The following TMC1 variants were observed in gnomAD, a reference collection of about 807,000 sequenced individuals.
TMC1 encodes the protein transmembrane channel like 1.
A neutral mutation model predicts 105.8 loss-of-function variants in TMC1; 84 were observed. That is an observed-to-expected ratio of 0.79 (90% CI 0.67 to 0.95). The LOEUF is 0.95. Among genes scored for constraint, TMC1 ranks in the 40% least tolerant of loss-of-function variants. The pLI, the probability that TMC1 is intolerant of heterozygous loss-of-function variation, is 0.00. For missense variants in TMC1, 817 were observed against 914.1 expected (o/e 0.89, Z 1.37); for synonymous variants, 315 against 311.5 (o/e 1.01, Z -0.12).
At chr9:72,586,008 A>G (rs779214879) in intron 2 of TMC1, among the ~76,000 whole-genome samples, 28 of 152,196 alleles carry the variant, frequency 1.8e-4, no homozygotes, top group Non-Finnish European at 3.8e-4. Context: ...GAGATTTCAC[A>G]ACCAGCAGCT....
chr9:72,727,528 A>G (rs1412971632), intron 8 of TMC1, among the ~76,000 whole-genome samples: 1 of 152,184 alleles, frequency 6.6e-6, no homozygotes, highest in Non-Finnish European at 1.5e-5. Flanking sequence ...ATAGCAATCT[A>G]TAATTTCAGT....
intron 2 of TMC1, among the ~76,000 whole-genome samples, chr9:72,584,784 CTTTTTT>C (rs71357591): frequency 8.8e-6 from 1 of 113,008 alleles, no homozygotes. Context: ...CTTTTCTTTT[CTTTTTT>C]TTTTTTTTTT....
At chr9:72,742,690 C>T (rs1002241504) in intron 10 of TMC1, among the ~76,000 whole-genome samples, 165 bp downstream of exon 10, 8 of 152,172 alleles carry the variant, frequency 5.3e-5, no homozygotes, top group African/African-American at 1.9e-4. Flanking sequence ...CTGCTTTCGT[C>T]ACTGTGAAGA....
chr9:72,801,064 T>C (rs1828462390), intron 17 of TMC1, among the ~76,000 whole-genome samples: 1 of 152,236 alleles, frequency 6.6e-6, no homozygotes. Flanking sequence ...ATGTTTCCTC[T>C]TCTCCTCCAT....
intron 8 of TMC1, among the ~76,000 whole-genome samples, chr9:72,707,617 T>G (rs1261327958): frequency 1.3e-5 from 2 of 152,196 alleles, no homozygotes; most frequent in Non-Finnish European, 2.9e-5. Flanking sequence ...GTTTGTATTT[T>G]TCTTGCTAAT....
At chr9:72,537,239 G>A (rs566947221) in intron 1 of TMC1, among the ~76,000 whole-genome samples, 55 of 152,322 alleles carry the variant, frequency 3.6e-4, no homozygotes, top group Non-Finnish European at 6.0e-4. Context: ...TGTGATGGGA[G>A]GAGCAGCCTC....
chr9:72,530,635 C>G (rs1362580992), intron 1 of TMC1, among the ~76,000 whole-genome samples: 1 of 149,522 alleles, frequency 6.7e-6, no homozygotes, highest in African/African-American at 2.4e-5. Flanking sequence ...TTCTTGTTTT[C>G]TCTTTTGTAT....
chr9:72,530,010 A>C (rs1465793043), intron 1 of TMC1, among the ~76,000 whole-genome samples: 2 of 152,140 alleles, frequency 1.3e-5, no homozygotes, highest in African/African-American at 4.8e-5. Flanking sequence ...TCTGGGGAGC[A>C]AGGTAAAACC....
intron 1 of TMC1, among the ~76,000 whole-genome samples, chr9:72,522,569 A>G (rs1478556504): frequency 1.3e-5 from 2 of 152,206 alleles, no homozygotes; most frequent in Admixed American, 1.3e-4. Flanking sequence ...GGAGAAAGGG[A>G]AGAAATACAG....
At chr9:72,522,308 A>T (rs1564387570) in intron 1 of TMC1, among the ~76,000 whole-genome samples, 1 of 152,050 alleles carries the variant, frequency 6.6e-6, no homozygotes, top group Non-Finnish European at 1.5e-5. Flanking sequence ...TCGCCGTGTT[A>T]GCCAGGATGG....
chr9:72,716,305 T>C (rs2793162), intron 8 of TMC1, among the ~76,000 whole-genome samples: 85,171 of 152,078 alleles, frequency 0.56, 25,019 homozygotes, highest in African/African-American at 0.75. Context: ...GGAAATCTGC[T>C]GCTCTCTTCA....
At chr9:72,680,697 C>T (rs1349882956) in intron 5 of TMC1, among the ~76,000 whole-genome samples, 15 of 152,058 alleles carry the variant, frequency 9.9e-5, no homozygotes, top group Admixed American at 9.8e-4. Flanking sequence ...GCTAAGCCTT[C>T]ACCCTGACTC....
In TMC1 at chr9:72,754,773, C is replaced by T. The variant is rs1442458190; in HGVS notation, c.643-13C>T. 6 of 1,601,332 alleles carry T rather than the reference C, an allele frequency of 3.7e-6. No homozygotes were observed. In the Admixed American group the frequency reaches 8.3e-5, roughly 22 times the overall value. On this transcript the variant is annotated splice_polypyrimidine_tract_variant and intron_variant, in intron 11 of 23. Transcript: ENST00000297784. Reference sequence around the variant, plus strand: ...TTCTAATTGTTCACTGCTTTCTTTGCTTCTTCATACAGTACCTCTGGGGTT... The same window carrying T: ...TTCTAATTGTTCACTGCTTTCTTTGTTTCTTCATACAGTACCTCTGGGGTT...
At chr9:72,546,710 C>T (rs1056596337) in intron 1 of TMC1, among the ~76,000 whole-genome samples, 13 of 152,334 alleles carry the variant, frequency 8.5e-5, no homozygotes, top group Middle Eastern at 3.4e-3. Context: ...AAAGCTGTTT[C>T]TATCTCTTTG....
intron 3 of TMC1, among the ~76,000 whole-genome samples, chr9:72,621,152 G>A (rs1310450011): frequency 6.6e-6 from 1 of 152,180 alleles, no homozygotes; most frequent in African/African-American, 2.4e-5. Context: ...AATACAATCT[G>A]TAACTAGTCA....
Position 72,830,509 on chromosome 9 carries a change from C to T in TMC1, c.2188C>T (p.Leu730Phe). 1 of 1,613,336 alleles carries T rather than the reference C, an allele frequency of 6.2e-7. No homozygotes were observed. The change falls in exon 22 of 24, where the codon CTC (leucine) becomes TTC (phenylalanine). Residue 730 changes from leucine to phenylalanine, a missense_variant. Leu to Phe is a conservative substitution (Grantham distance 22). Coordinates refer to ENST00000297784, the MANE Select transcript of TMC1 (RefSeq NM_138691.3). ...GGGCCAGAAGGCAGCGAATCTGGATCTCAAAAAGAAGATGAAAATGGTATG... is the reference window on the plus strand; with the variant it reads ...GGGCCAGAAGGCAGCGAATCTGGATTTCAAAAAGAAGATGAAAATGGTATG... ...AKGQKAANLD[L>F]KKKMKMQALE...
intron 4 of TMC1, among the ~76,000 whole-genome samples, chr9:72,639,659 A>G (rs1825591558): frequency 6.6e-6 from 1 of 152,142 alleles, no homozygotes; most frequent in Non-Finnish European, 1.5e-5. Context: ...TAATGTAATT[A>G]CTCTGACATT....
intron 8 of TMC1, among the ~76,000 whole-genome samples, chr9:72,718,048 T>G (rs763162894): frequency 3.4e-5 from 5 of 147,198 alleles, no homozygotes; most frequent in Non-Finnish European, 7.4e-5. Context: ...CTTCCTGAAG[T>G]AGTGATTGTT....
chr9:72,665,233 T>C, intron 5 of TMC1, among the ~76,000 whole-genome samples: 1 of 152,214 alleles, frequency 6.6e-6, no homozygotes, highest in East Asian at 1.9e-4. Context: ...GATGGTCAAT[T>C]GTATGAGGTA....
Sources: gnomAD v4.1 joint callset for allele counts (sites outside exome capture counted in the v4.1 genomes callset) on GRCh38, gnomAD v4.1.1 for gene constraint, MANE v1.5 for transcripts, NCBI Gene and HGNC (gene_info 2026-07-23, HGNC 2026-07-21) for gene names.